Variants in PAK3 observed in about 807,000 individuals in gnomAD.
The protein encoded by PAK3 is serine/threonine-protein kinase PAK 3.
A neutral mutation model predicts 41.0 loss-of-function variants in PAK3; 4 were observed. The ratio of observed to expected loss-of-function variants is 0.10; its 90% CI spans 0.05 to 0.22. The LOEUF is 0.22. Ranked by LOEUF, PAK3 falls within the 10% of genes least tolerant of loss-of-function variation. The pLI, the probability that PAK3 is intolerant of heterozygous loss-of-function variation, is 1.00. For synonymous variants in PAK3, 146 were observed against 139.6 expected, an observed-to-expected ratio of 1.05 and a Z score of -0.32; for missense variants, 205 against 409.9, an observed-to-expected ratio of 0.50 and a Z score of 4.32.
chrX:111,045,829 T>C (rs2092492596), intron 1 of PAK3, among the ~76,000 whole-genome samples: 1 of 111,792 alleles, frequency 8.9e-6, no homozygotes, highest in Non-Finnish European at 1.9e-5. Flanking sequence ...GAGGCTAAGC[T>C]GTGGGTCAGT....
At chrX:111,188,749 T>C (rs997215541) in intron 11 of PAK3, among the ~76,000 whole-genome samples, 2 of 111,911 alleles carry the variant, frequency 1.8e-5, no homozygotes, top group African/African-American at 6.5e-5. Context: ...GGCACAGGGC[T>C]AAATGCTTAC....
At chrX:111,021,986 G>T (rs770221607) in intron 1 of PAK3, among the ~76,000 whole-genome samples, 3 of 111,336 alleles carry the variant, frequency 2.7e-5, no homozygotes, top group South Asian at 7.5e-4. Context: ...AAAGAAAAAA[G>T]AATTTTTAAA....
In PAK3 at chrX:111,086,979, G is replaced by A. The variant is rs150232142; in HGVS notation, c.-27-36098G>A. ...ACTTAGAGTGGCGCTTTAAAAACGT[G>A]TGTTAGCGTACTCTCCTAGCAGGCT... On this transcript the variant is annotated intron_variant, in intron 1 of 14. Transcript: ENST00000425146. Among the ~76,000 whole-genome samples, 268 of 111,174 alleles carry A rather than the reference G, an allele frequency of 2.4e-3. 1 individual carries two copies. Among genetic ancestry groups the A allele is most frequent in the African/African-American group, 8.0e-3 (244 of 30,553 alleles).
intron 8 of PAK3, among the ~76,000 whole-genome samples, chrX:111,155,889 A>C (rs1569417632): frequency 8.9e-6 from 1 of 111,843 alleles, no homozygotes; most frequent in East Asian, 2.8e-4. Flanking sequence ...ATCAGGAAAT[A>C]AGTCTTGAAG....
intron 1 of PAK3, among the ~76,000 whole-genome samples, chrX:111,036,157 A>G (rs1487179750): frequency 2.7e-5 from 3 of 111,973 alleles, no homozygotes; most frequent in Non-Finnish European, 5.6e-5. Flanking sequence ...TTGAGACACT[A>G]GGAATTACAT....
At chrX:110,970,584 C>G (rs1439506552) in intron 1 of PAK3, among the ~76,000 whole-genome samples, 1 of 110,698 alleles carries the variant, frequency 9.0e-6, no homozygotes, top group African/African-American at 3.3e-5. Flanking sequence ...ACATCACACA[C>G]CAGGGCCTGC....
At chrX:111,178,720 G>A (rs2094432318) in intron 11 of PAK3, among the ~76,000 whole-genome samples, 2 of 109,942 alleles carry the variant, frequency 1.8e-5, no homozygotes, top group African/African-American at 6.6e-5. Context: ...CAGCCAAGGA[G>A]TGGGTATGAT....
intron 16 of PAK3, among the ~76,000 whole-genome samples, chrX:111,207,181 T>TATATACGTATATGTGTGTATATATAC (rs891042267): frequency 1.8e-5 from 2 of 108,432 alleles, no homozygotes; most frequent in South Asian, 3.9e-4. Context: ...TGTGTGTATA[T>TATATACGTATATGTGTGTATATATAC]ATATACGTAT....
chrX:111,106,244 A>C (rs1415954737), intron 4 of PAK3, among the ~76,000 whole-genome samples: 1 of 112,007 alleles, frequency 8.9e-6, no homozygotes, highest in African/African-American at 3.3e-5. Flanking sequence ...ACACGTTTGC[A>C]CCAGTGCACA....
intron 16 of PAK3, among the ~76,000 whole-genome samples, chrX:111,214,243 G>A (rs1033280552): frequency 5.4e-5 from 6 of 111,869 alleles, no homozygotes; most frequent in East Asian, 2.8e-4. Flanking sequence ...TACATACGAC[G>A]CAGAGATTCT....
chrX:110,969,599 C>T (rs1172518442), intron 1 of PAK3, among the ~76,000 whole-genome samples: 1 of 109,687 alleles, frequency 9.1e-6, no homozygotes. Context: ...CTGCACCCAG[C>T]CCTTCCACTG....
intron 1 of PAK3, among the ~76,000 whole-genome samples, chrX:111,007,825 C>T (rs1426363644): frequency 1.8e-5 from 2 of 111,748 alleles, no homozygotes; most frequent in African/African-American, 6.5e-5. Flanking sequence ...AGTGTGAATG[C>T]ACAGAAGGCA....
intron 1 of PAK3, among the ~76,000 whole-genome samples, chrX:111,041,696 T>C (rs1479027546): frequency 9.0e-6 from 1 of 110,883 alleles, no homozygotes; most frequent in African/African-American, 3.3e-5. Flanking sequence ...CTCTCTTCCA[T>C]ACCATTCTCC....
chrX:111,111,583 G>T (rs1173330569), intron 4 of PAK3, among the ~76,000 whole-genome samples: 1 of 111,702 alleles, frequency 9.0e-6, no homozygotes, highest in South Asian at 3.8e-4. Flanking sequence ...TATTACAGGT[G>T]GTCTAATGGT....
chrX:111,014,668 C>T (rs971349494), intron 1 of PAK3, among the ~76,000 whole-genome samples: 3 of 111,876 alleles, frequency 2.7e-5, no homozygotes, highest in Admixed American at 9.5e-5. Context: ...CCCCACACAA[C>T]TGGGACATTC....
Position 111,223,623 on chromosome X carries a change from C to T in PAK3, c.*3176C>T, listed in dbSNP as rs1467463116. On this transcript the variant is annotated 3_prime_UTR_variant, in exon 18 of 18. Transcript: ENST00000372007. ...CCTGATCCTTACATCTATCCCTCCC[C>T]GGTGAAGCACATTCCATTGCTAAAA... 1 of 110,619 alleles carries T rather than the reference C, an allele frequency of 9.0e-6. No homozygotes were observed. The highest frequency in any genetic ancestry group is 1.9e-5 in the Non-Finnish European group (1 of 52,965). The allele number at this position is 110,619 out of a possible 1,213,427, so 9.1% of individuals were successfully genotyped here. A position where few individuals can be genotyped will look rare whatever the true frequency, so the allele number is the denominator to read the frequency against.
chrX:111,081,220 C>T lies in PAK3; in HGVS notation c.-27-41857C>T, dbSNP rs183062449. Among the ~76,000 whole-genome samples the T allele has an allele frequency of 1.4e-4, 16 of 111,489 alleles. No individual in the cohort carries two copies. The East Asian group carries it at 3.1e-3, about 22-fold the overall frequency. ...ATTCTTAAAAATTGCTGGCCAGGTA[C>T]GGTGGCTCATGCCTGTAATTCCAGC... On this transcript the variant is annotated intron_variant, in intron 1 of 14. Coordinates refer to the PAK3 transcript ENST00000425146.
At chrX:111,174,140 C>T (rs191649707) in intron 11 of PAK3, among the ~76,000 whole-genome samples, 35 of 111,723 alleles carry the variant, frequency 3.1e-4, no homozygotes, top group Non-Finnish European at 3.8e-4. Flanking sequence ...CACTGCTTTT[C>T]CTGGCATACT....
intron 1 of PAK3, among the ~76,000 whole-genome samples, chrX:111,045,290 C>T (rs1266571019): frequency 2.7e-5 from 3 of 112,387 alleles, no homozygotes; most frequent in Non-Finnish European, 5.6e-5. Context: ...CAGAACCATG[C>T]TACTAACACT....
Sources: gnomAD v4.1 joint callset for allele counts (sites outside exome capture counted in the v4.1 genomes callset) on GRCh38, gnomAD v4.1.1 for gene constraint, MANE v1.5 for transcripts, NCBI Gene and HGNC (gene_info 2026-07-23, HGNC 2026-07-21) for gene names.